Variants in NTM observed in about 807,000 individuals in gnomAD.
NTM encodes the protein neurotrimin, also known as IgLON family member 2.
A neutral mutation model predicts 42.1 loss-of-function variants in NTM; 13 were observed. The observed-to-expected ratio is 0.31, with a 90% CI of 0.20 to 0.49. NTM has a LOEUF of 0.49. Among genes scored for constraint, NTM ranks in the 20% least tolerant of loss-of-function variants. The pLI, the probability that NTM is intolerant of heterozygous loss-of-function variation, is 0.99. For synonymous variants in NTM, 187 were observed against 179.2 expected (o/e 1.04, Z -0.35); for missense variants, 373 against 452.8 (o/e 0.82, Z 1.60).
intron 2 of NTM, among the ~76,000 whole-genome samples, chr11:132,016,201 A>G (rs487557): frequency 0.27 from 40,463 of 151,278 alleles, 5,737 homozygotes; most frequent in African/African-American, 0.37. Context: ...TTGATGTGAT[A>G]TATTGCATTT....
At chr11:131,880,812 T>TC (rs1294160359) in intron 1 of NTM, among the ~76,000 whole-genome samples, 2 of 152,072 alleles carry the variant, frequency 1.3e-5, no homozygotes, top group African/African-American at 4.8e-5. Flanking sequence ...TTTTTTTTTT[T>TC]CTTTTGCCCC....
chr11:132,148,794 G>C (rs2071182422), intron 3 of NTM, among the ~76,000 whole-genome samples: 1 of 152,106 alleles, frequency 6.6e-6, no homozygotes, highest in South Asian at 2.1e-4. Flanking sequence ...GAGACGGCTG[G>C]GTGTTTTTGG....
intron 1 of NTM, among the ~76,000 whole-genome samples, chr11:131,647,503 G>A (rs2065915078): frequency 6.6e-6 from 1 of 152,214 alleles, no homozygotes; most frequent in Non-Finnish European, 1.5e-5. Context: ...GGCAAGTGAT[G>A]AGAAAAACTT....
At chr11:131,814,677 A>G (rs1592044266) in intron 1 of NTM, among the ~76,000 whole-genome samples, 2 of 152,282 alleles carry the variant, frequency 1.3e-5, no homozygotes, top group East Asian at 3.9e-4. Context: ...GAGCGGCAAC[A>G]CCATTTAAAA....
chr11:131,772,580 G>T (rs2086281620), intron 1 of NTM, among the ~76,000 whole-genome samples: 1 of 152,292 alleles, frequency 6.6e-6, no homozygotes, highest in Admixed American at 6.5e-5. Flanking sequence ...AAATAGTTCT[G>T]CCAGCAGCCA....
chr11:131,715,507 T>C (rs1231261022), intron 1 of NTM, among the ~76,000 whole-genome samples: 1 of 152,218 alleles, frequency 6.6e-6, no homozygotes, highest in African/African-American at 2.4e-5. Flanking sequence ...AGAACAAATA[T>C]TTAAAGTGTG....
chr11:131,925,296 G>T (rs2057784844), intron 2 of NTM, among the ~76,000 whole-genome samples: 1 of 151,544 alleles, frequency 6.6e-6, no homozygotes, highest in Non-Finnish European at 1.5e-5. Flanking sequence ...AGATAGATAG[G>T]ATGATTTGTA....
intron 2 of NTM, among the ~76,000 whole-genome samples, chr11:132,009,014 G>A (rs995973506): frequency 1.3e-5 from 2 of 152,046 alleles, no homozygotes; most frequent in African/African-American, 2.4e-5. Context: ...AGAAAGGCAG[G>A]CAGACACCAG....
At position 132,230,728 on chromosome 11, in the gene NTM, A is replaced by G. The variant is rs200817688; in HGVS notation, c.526+18581A>G. Among the ~76,000 whole-genome samples, 19 of 152,370 alleles carry G rather than the reference A, an allele frequency of 1.2e-4. No individual in the cohort carries two copies. The East Asian group carries it at 3.3e-3, about 26-fold the overall frequency. On this transcript the variant is annotated intron_variant, in intron 4 of 8. Transcript: ENST00000683400. ...GTAAATGCATGCCGGGGCCTGATAT[A>G]AAACAAATGCTCAGGATTGGTGTGG... is the stretch of plus-strand genomic sequence containing the variant.
intron 1 of NTM, among the ~76,000 whole-genome samples, chr11:131,790,442 T>C (rs1016698061): frequency 6.6e-6 from 1 of 152,172 alleles, no homozygotes; most frequent in Non-Finnish European, 1.5e-5. Context: ...GGAGATAAAG[T>C]GGTCTCTTAC....
chr11:131,862,233 G>A (rs2046715725), intron 1 of NTM, among the ~76,000 whole-genome samples: 1 of 152,136 alleles, frequency 6.6e-6, no homozygotes, highest in Admixed American at 6.5e-5. Context: ...GGGTCACTCT[G>A]AGGGCACAAC....
At chr11:132,295,708 A>T (rs1054950274) in intron 4 of NTM, among the ~76,000 whole-genome samples, 12 of 152,166 alleles carry the variant, frequency 7.9e-5, no homozygotes, top group African/African-American at 2.9e-4. Context: ...TGTAGGGGGA[A>T]GTGAGATGGC....
At chr11:131,936,038 C>A (rs1234853593) in intron 2 of NTM, among the ~76,000 whole-genome samples, 1 of 151,274 alleles carries the variant, frequency 6.6e-6, no homozygotes, top group African/African-American at 2.5e-5. Flanking sequence ...AAAATGGATT[C>A]TTAAATATCT....
chr11:131,525,390 G>A (rs1405565251), intron 1 of NTM, among the ~76,000 whole-genome samples: 1 of 152,210 alleles, frequency 6.6e-6, no homozygotes, highest in African/African-American at 2.4e-5. Flanking sequence ...TTGCCATAAA[G>A]GGTTTGCAGG....
chr11:131,695,023 G>C (rs1592593430), intron 1 of NTM, among the ~76,000 whole-genome samples: 1 of 152,170 alleles, frequency 6.6e-6, no homozygotes, highest in South Asian at 2.1e-4. Context: ...TGTTGGACGG[G>C]CTGGGAGGAG....
intron 1 of NTM, among the ~76,000 whole-genome samples, chr11:131,423,345 C>T (rs1383530393): frequency 2.0e-5 from 3 of 152,238 alleles, no homozygotes; most frequent in Admixed American, 2.0e-4. Context: ...TCTGTTTCTC[C>T]ATATTCCATG....
chr11:131,387,192 T>G (rs1313934016), intron 1 of NTM, among the ~76,000 whole-genome samples: 2 of 152,184 alleles, frequency 1.3e-5, no homozygotes, highest in Non-Finnish European at 2.9e-5. Flanking sequence ...CGGCACTCAA[T>G]TCATATTGCA....
At chr11:132,264,166 T>A (rs1419655157) in intron 4 of NTM, among the ~76,000 whole-genome samples, 2 of 152,204 alleles carry the variant, frequency 1.3e-5, no homozygotes, top group African/African-American at 4.8e-5. Context: ...TAACAGATAC[T>A]TTCAATAGTT....
chr11:131,565,588 T>C (rs553205449), intron 1 of NTM, among the ~76,000 whole-genome samples: 1 of 152,344 alleles, frequency 6.6e-6, no homozygotes, highest in African/African-American at 2.4e-5. Flanking sequence ...GTCTGGACTT[T>C]GTATGGTACT....
Sources: allele counts gnomAD v4.1 joint callset (sites outside exome capture counted in the v4.1 genomes callset), GRCh38; gene constraint gnomAD v4.1.1; transcripts MANE v1.5; gene names NCBI Gene and HGNC (gene_info 2026-07-23, HGNC 2026-07-21).